Variants in MAST3 observed in about 807,000 individuals in gnomAD.
MAST3 encodes the protein microtubule-associated serine/threonine-protein kinase 3.
In MAST3, 43 loss-of-function variants were observed where a neutral mutation model predicts 127.0. The observed-to-expected ratio is 0.34, with a 90% CI of 0.27 to 0.44. The LOEUF (loss-of-function observed/expected upper bound fraction) is 0.44. Among genes scored for constraint, MAST3 ranks in the 20% least tolerant of loss-of-function variants. The pLI, the probability that MAST3 is intolerant of heterozygous loss-of-function variation, is 1.00. For missense variants in MAST3, 1,390 were observed against 1,919.1 expected, an observed-to-expected ratio of 0.72 and a Z score of 5.15; for synonymous variants, 785 against 809.2, an observed-to-expected ratio of 0.97 and a Z score of 0.51.
chr19:18,147,378 C>T, intron 26 of MAST3, 65 bp from the exon 27 acceptor site: 4 of 1,446,628 alleles, frequency 2.8e-6, no homozygotes, highest in Admixed American at 1.8e-5. Flanking sequence ...GCTGGGATTA[C>T]AGGTGTGAGC....
At position 18,110,318 on chromosome 19, in the gene MAST3, G is replaced by T; in HGVS notation, c.72-334G>T. Reference sequence around the variant, plus strand: ...CCGCACAGAGGCGGCCTCTGCCTCGGCATGAAGTCCCGCAGGGACAAGCTG... The same window carrying T: ...CCGCACAGAGGCGGCCTCTGCCTCGTCATGAAGTCCCGCAGGGACAAGCTG... On this transcript the variant is annotated intron_variant, in intron 2 of 27. Coordinates refer to ENST00000687212, the MANE Select transcript of MAST3 (RefSeq NM_001393504.1). This position sits in a 1 kb window ranked among gnomAD's most constrained non-coding sequence, Gnocchi z 4.3. 4.1e-6 allele frequency: 4 copies of T among 985,556 alleles called. No homozygotes were observed. Among genetic ancestry groups the T allele is most frequent in the Non-Finnish European group, 3.6e-6 (3 of 830,000 alleles). 61.1% of individuals were successfully genotyped at this position (985,556 alleles called of 1,614,324 possible).
At chr19:18,105,287 A>G (rs2037980127) in intron 1 of MAST3, among the ~76,000 whole-genome samples, 1 of 152,122 alleles carries the variant, frequency 6.6e-6, no homozygotes, top group African/African-American at 2.4e-5. Context: ...GAATCGCTTG[A>G]ACCCGAGAGG....
chr19:18,141,083 C>G (rs549135208), intron 20 of MAST3, among the ~76,000 whole-genome samples: 1 of 152,106 alleles, frequency 6.6e-6, no homozygotes, highest in Non-Finnish European at 1.5e-5. Context: ...CATGAACCAC[C>G]GCACCTGGCC....
At chr19:18,102,922 A>T (rs932225319) in intron 1 of MAST3, among the ~76,000 whole-genome samples, 116 of 152,322 alleles carry the variant, frequency 7.6e-4, no homozygotes, top group Non-Finnish European at 4.1e-4. Context: ...TGTCTTCTCC[A>T]AAATGGGATT....
In MAST3 at chr19:18,145,072, G is replaced by A. The variant is rs1452121136; in HGVS notation, c.2882G>A (p.Arg961His). The change falls in exon 24 of 28, where the codon CGT (arginine) becomes CAT (histidine). Residue 961 changes from arginine (R) to histidine (H), a missense_variant. By Grantham distance (29) the Arg-to-His change is conservative. Coordinates refer to ENST00000687212, the MANE Select transcript of MAST3 (RefSeq NM_001393504.1). This position sits in a 1 kb window ranked among gnomAD's most constrained non-coding sequence, Gnocchi z 5.9. Reference protein sequence around the residue: ...PRSLSSNPSSRDSSPSRDPSP... With the variant: ...PRSLSSNPSSHDSSPSRDPSP... ...TCTCTGTCCTCGAACCCGTCGTCCC[G>A]TGACTCTTCGCCGAGCCGAGACCCG... 11 of 1,612,446 alleles carry A rather than the reference G, an allele frequency of 6.8e-6. No individual in the cohort carries two copies. The highest frequency in any genetic ancestry group is 1.7e-5 in the Admixed American group (1 of 59,908).
At chr19:18,122,127 G>A (rs2040055997) in intron 5 of MAST3, 3 of 984,388 alleles carry the variant, frequency 3.0e-6, no homozygotes, top group Non-Finnish European at 3.6e-6. Context: ...CGCATGGACA[G>A]GTAATTTCAA....
At chr19:18,103,452 C>G (rs972312733) in intron 1 of MAST3, among the ~76,000 whole-genome samples, 2 of 152,224 alleles carry the variant, frequency 1.3e-5, no homozygotes, top group African/African-American at 4.8e-5. Flanking sequence ...GCAGAAGAAT[C>G]GCTTGAACCC....
At chr19:18,100,128 C>CTCCTTTTTTTTTTTTTTTTTTT (rs776661078) in intron 1 of MAST3, among the ~76,000 whole-genome samples, 2 of 121,720 alleles carry the variant, frequency 1.6e-5, no homozygotes, top group African/African-American at 2.8e-5. Flanking sequence ...CTCTCTCTCT[C>CTCCTTTTTTTTTTTTTTTTTTT]TTTTTTTTTT....
intron 19 of MAST3, among the ~76,000 whole-genome samples, chr19:18,138,557 G>A (rs913109307): frequency 3.9e-5 from 6 of 152,102 alleles, no homozygotes; most frequent in Non-Finnish European, 7.3e-5. Context: ...GAGTGCAGTG[G>A]TGCGATTTCG....
chr19:18,103,843 G>A (rs138441074), intron 1 of MAST3, among the ~76,000 whole-genome samples: 2,574 of 152,256 alleles, frequency 0.017, 74 homozygotes, highest in Admixed American at 0.075. Flanking sequence ...TGCCTGGATG[G>A]GGTGCAAGTG....
At chr19:18,126,963 G>A (rs954219377) in intron 11 of MAST3, among the ~76,000 whole-genome samples, 2 of 151,610 alleles carry the variant, frequency 1.3e-5, no homozygotes, top group Non-Finnish European at 2.9e-5. Flanking sequence ...TGTATTTTTA[G>A]TAGAGGCGGG....
rs780041761 is a variant in MAST3 at position 18,130,560 on chromosome 19, G to A, written c.1290G>A (p.Gln430=). The A allele has an allele frequency of 1.2e-6, 2 of 1,613,000 alleles. No individual in the cohort carries two copies. The highest frequency in any genetic ancestry group is 1.7e-6 in the Non-Finnish European group (2 of 1,179,432). The change falls in exon 14 of 28, where the codon CAG becomes CAA. Residue 430 remains glutamine, a synonymous_variant. Coordinates refer to ENST00000687212, the MANE Select transcript of MAST3 (RefSeq NM_001393504.1). ...TTGCCATCAAGAAGATCAACAAACA[G>A]AACTTGATCCTGCGTAACCAGATCC... ...QRFAIKKINK[Q]NLILRNQIQQ... is the part of the protein sequence containing the mutation.
chr19:18,141,459 G>A lies in MAST3; in HGVS notation c.2206-423G>A, dbSNP rs191525024. Among the ~76,000 whole-genome samples, 28 of 142,870 alleles carry A rather than the reference G, an allele frequency of 2.0e-4. No individual in the cohort carries two copies. The East Asian group carries it at 5.4e-3, about 28-fold the overall frequency. The allele number at this position is 142,870 out of a possible 152,430, so 93.7% of individuals were successfully genotyped here. On this transcript the variant is annotated intron_variant, in intron 20 of 27. Transcript: ENST00000687212. ...ACAATCTCGGCTCACTGCAACCTCCGCCTTCTGGGTTCAAGCCATTCTCCT... is the reference window on the plus strand; with the variant it reads ...ACAATCTCGGCTCACTGCAACCTCCACCTTCTGGGTTCAAGCCATTCTCCT...
intron 1 of MAST3, among the ~76,000 whole-genome samples, chr19:18,101,368 T>TCTCCTCCTCCTCCTCCTCCTCCTCCTC (rs79073885): frequency 7.0e-6 from 1 of 142,358 alleles, no homozygotes; most frequent in Non-Finnish European, 1.5e-5. Flanking sequence ...TCCTTCTCCT[T>TCTCCTCCTCCTCCTCCTCCTCCTCCTC]CTCCTCCTCC....
At chr19:18,101,093 G>T (rs1408978833) in intron 1 of MAST3, among the ~76,000 whole-genome samples, 1 of 152,174 alleles carries the variant, frequency 6.6e-6, no homozygotes. Flanking sequence ...TGCAGGCACC[G>T]GGTAACGTGA....
Position 18,137,276 on chromosome 19 carries a change from G to A in MAST3, c.2010G>A (p.Leu670=). The part of the protein sequence containing the change: ...THEVKQHPFF[L]ALDWAGLLRH... ...AAGTGAAGCAGCACCCCTTTTTCCT[G>A]GCCCTGGACTGGGCAGGGCTTCTCC... Residue 670 remains leucine (L), a synonymous_variant, in exon 19 of 28, where the codon CTG becomes CTA. Transcript: ENST00000687212. 4 of 1,613,722 alleles carry A rather than the reference G, an allele frequency of 2.5e-6. No homozygotes were observed. The highest frequency in any genetic ancestry group is 3.4e-6 in the Non-Finnish European group (4 of 1,179,760).
At chr19:18,129,692 AG>A (rs1163799415) in intron 13 of MAST3, among the ~76,000 whole-genome samples, 1 of 152,192 alleles carries the variant, frequency 6.6e-6, no homozygotes, top group African/African-American at 2.4e-5. Context: ...TGGGAGGCCA[AG>A]GTAGGAGGAT....
intron 20 of MAST3, among the ~76,000 whole-genome samples, chr19:18,139,821 T>TTC (rs2042257081): frequency 6.7e-6 from 1 of 149,320 alleles, no homozygotes; most frequent in African/African-American, 2.5e-5. Flanking sequence ...ATTTTTTTTT[T>TTC]TTCTTTTTTT....
chr19:18,148,663 G>A (rs1485362607), intron 27 of MAST3, among the ~76,000 whole-genome samples: 2 of 151,888 alleles, frequency 1.3e-5, no homozygotes, highest in Non-Finnish European at 2.9e-5. Context: ...AGCACTTTGG[G>A]AGGCCAAAGC....
Sources: allele counts gnomAD v4.1 joint callset (sites outside exome capture counted in the v4.1 genomes callset), GRCh38; gene constraint gnomAD v4.1.1; non-coding constraint Gnocchi (gnomAD v3.1); transcripts MANE v1.5; gene names NCBI Gene and HGNC (gene_info 2026-07-23, HGNC 2026-07-21).